The following BBS9 variants were observed in gnomAD, a reference collection of about 807,000 sequenced individuals.
BBS9 encodes protein PTHB1.
Under a neutral mutation model 117.7 loss-of-function variants are expected in BBS9, and 89 were observed. That is an observed-to-expected ratio of 0.76 (90% CI 0.64 to 0.90). The LOEUF is 0.90. Ranked by LOEUF, BBS9 falls within the 40% of genes least tolerant of loss-of-function variation. The pLI is 0.00. For synonymous variants in BBS9, 379 were observed against 370.9 expected, an observed-to-expected ratio of 1.02 and a Z score of -0.25; for missense variants, 982 against 1,042.2, an observed-to-expected ratio of 0.94 and a Z score of 0.80.
At position 33,503,224 on chromosome 7, in the gene BBS9, A is replaced by G. The variant is rs116311878; in HGVS notation, c.2116-2239A>G. 6.5e-3 allele frequency among the ~76,000 whole-genome samples: 993 copies of G among 152,272 alleles called. 11 individuals carry two copies. The highest frequency in any genetic ancestry group is 0.022 in the African/African-American group (905 of 41,562). On this transcript the variant is annotated intron_variant, in intron 19 of 22. Coordinates refer to ENST00000242067, the MANE Select transcript of BBS9 (RefSeq NM_198428.3). ...AAGAATTTCAAGGCAGAGACAGCAG[A>G]GCGTTAAACAAGTTCAGGCCCGTCA...
chr7:33,242,084 C>T (rs932676987), intron 5 of BBS9, among the ~76,000 whole-genome samples: 8 of 152,202 alleles, frequency 5.3e-5, no homozygotes, highest in African/African-American at 1.7e-4. Flanking sequence ...GTACTTCCAA[C>T]CCAGTATCAC....
chr7:33,564,480 GT>G (rs769196468), intron 21 of BBS9, among the ~76,000 whole-genome samples: 1 of 152,196 alleles, frequency 6.6e-6, no homozygotes, highest in Non-Finnish European at 1.5e-5. Flanking sequence ...GACCATAGTA[GT>G]GTTGTAAGGA....
At chr7:33,530,198 C>T (rs779100039) in intron 20 of BBS9, among the ~76,000 whole-genome samples, 43 of 152,230 alleles carry the variant, frequency 2.8e-4, no homozygotes, top group Non-Finnish European at 4.9e-4. Flanking sequence ...CAATTCAGTC[C>T]CTCCAAGTAA....
At chr7:33,616,298 T>C (rs1441935940) in intron 21 of BBS9, among the ~76,000 whole-genome samples, 2 of 150,732 alleles carry the variant, frequency 1.3e-5, no homozygotes, top group African/African-American at 4.9e-5. Context: ...ATGACAACAA[T>C]GATACAAGAG....
chr7:33,545,924 CTTTTTTTTTT>C (rs10537037), intron 21 of BBS9, among the ~76,000 whole-genome samples: 4 of 64,580 alleles, frequency 6.2e-5, no homozygotes, highest in African/African-American at 2.5e-4. Context: ...CTTTATAATC[CTTTTTTTTTT>C]TTTTTTTTTT....
At chr7:33,554,689 G>T (rs1855003697) in intron 21 of BBS9, among the ~76,000 whole-genome samples, 1 of 152,186 alleles carries the variant, frequency 6.6e-6, no homozygotes. Context: ...TAGATGCCAA[G>T]TGCTCCGGAG....
At chr7:33,383,461 C>T (rs1052249178) in intron 17 of BBS9, among the ~76,000 whole-genome samples, 1 of 152,086 alleles carries the variant, frequency 6.6e-6, no homozygotes, top group Non-Finnish European at 1.5e-5. Flanking sequence ...GACCACCTAC[C>T]TTTGGAATTA....
chr7:33,600,949 G>A (rs1863703788), intron 21 of BBS9, among the ~76,000 whole-genome samples: 1 of 152,202 alleles, frequency 6.6e-6, no homozygotes, highest in Admixed American at 6.5e-5. Context: ...AGTATTTCCA[G>A]GCTACTTTTA....
chr7:33,527,103 C>T (rs1269772659), intron 20 of BBS9, among the ~76,000 whole-genome samples: 1 of 151,966 alleles, frequency 6.6e-6, no homozygotes, highest in Non-Finnish European at 1.5e-5. Context: ...CAGTCTGCCT[C>T]TTCTCAGATC....
At chr7:33,634,048 C>A (rs748646417) in intron 21 of BBS9, among the ~76,000 whole-genome samples, 1 of 152,212 alleles carries the variant, frequency 6.6e-6, no homozygotes, top group Non-Finnish European at 1.5e-5. Context: ...CCCGCTGGTC[C>A]CCAGCAATCT....
At chr7:33,487,329 T>G (rs1199855431) in intron 19 of BBS9, among the ~76,000 whole-genome samples, 1 of 152,218 alleles carries the variant, frequency 6.6e-6, no homozygotes. Flanking sequence ...AGGCCTCAGT[T>G]TGGAGAATAT....
At chr7:33,371,057 G>T (rs965131155) in intron 17 of BBS9, among the ~76,000 whole-genome samples, 1 of 151,996 alleles carries the variant, frequency 6.6e-6, no homozygotes, top group Non-Finnish European at 1.5e-5. Flanking sequence ...AAAATAATAA[G>T]AAATCATTTT....
chr7:33,356,059 T>C (rs188192330), intron 15 of BBS9, among the ~76,000 whole-genome samples: 3 of 151,912 alleles, frequency 2.0e-5, no homozygotes, highest in Admixed American at 1.3e-4. Flanking sequence ...CTGTACAGAA[T>C]TGTCAGAAAA....
At chr7:33,563,123 A>G (rs1241121088) in intron 21 of BBS9, among the ~76,000 whole-genome samples, 2 of 152,318 alleles carry the variant, frequency 1.3e-5, no homozygotes, top group Middle Eastern at 3.4e-3. Context: ...GTAAATCAGA[A>G]GTACTGTCAA....
At chr7:33,204,003 G>A (rs1252457004) in intron 5 of BBS9, among the ~76,000 whole-genome samples, 2 of 151,260 alleles carry the variant, frequency 1.3e-5, no homozygotes, top group African/African-American at 2.4e-5. Flanking sequence ...GATTACAGTC[G>A]TGAGCCACCA....
chr7:33,152,687 TAAA>T lies in BBS9; in HGVS notation c.113-13_113-11del, dbSNP rs1584179426. On this transcript the variant is annotated splice_polypyrimidine_tract_variant and intron_variant, in intron 2 of 22. Coordinates refer to ENST00000242067, the MANE Select transcript of BBS9 (RefSeq NM_198428.3). ...GTTTCTCCCTCTATCTTTTTTTTTTTAAATTCTCTACAGATAAAATAATTGTGG... is the reference window on the plus strand; with the variant it reads ...GTTTCTCCCTCTATCTTTTTTTTTTTTTCTCTACAGATAAAATAATTGTGG... 2 of 1,599,410 alleles carry T rather than the reference TAAA, an allele frequency of 1.3e-6. No individual in the cohort carries two copies. Among genetic ancestry groups the T allele is most frequent in the Non-Finnish European group, 1.7e-6 (2 of 1,169,890 alleles).
chr7:33,493,540 G>A (rs1345470116), intron 19 of BBS9, among the ~76,000 whole-genome samples: 1 of 152,140 alleles, frequency 6.6e-6, no homozygotes, highest in Non-Finnish European at 1.5e-5. Flanking sequence ...TGTCACATAT[G>A]AAGACATTTA....
intron 5 of BBS9, among the ~76,000 whole-genome samples, chr7:33,220,072 G>A (rs1583695374): frequency 6.6e-6 from 1 of 152,280 alleles, no homozygotes; most frequent in East Asian, 1.9e-4. Context: ...AGGGTCCGTG[G>A]CTTCATTCTT....
chr7:33,390,122 A>G (rs767475095), intron 19 of BBS9: 1 of 345,518 alleles, frequency 2.9e-6, no homozygotes, highest in Non-Finnish European at 4.0e-6. Context: ...CCTTTTTCCC[A>G]TTTCTTTGTT....
Sources: allele counts gnomAD v4.1 joint callset (sites outside exome capture counted in the v4.1 genomes callset), GRCh38; gene constraint gnomAD v4.1.1; transcripts MANE v1.5; gene names NCBI Gene and HGNC (gene_info 2026-07-23, HGNC 2026-07-21).